The following REXO1 variants were observed in gnomAD, a reference collection of about 807,000 sequenced individuals.
REXO1 encodes RNA exonuclease 1 homolog.
A neutral mutation model predicts 102.6 loss-of-function variants in REXO1; 42 were observed. The observed-to-expected ratio is 0.41, with a 90% CI of 0.32 to 0.53. REXO1 has a LOEUF of 0.53. Ranked by LOEUF, REXO1 falls within the 20% of genes least tolerant of loss-of-function variation. REXO1 has a pLI of 0.27. For synonymous variants in REXO1, 908 were observed against 779.1 expected, an observed-to-expected ratio of 1.17 and a Z score of -2.76; for missense variants, 1,819 against 1,732.5, an observed-to-expected ratio of 1.05 and a Z score of -0.89.
Position 1,823,622 on chromosome 19 carries a change from G to A in REXO1, c.2180C>T (p.Pro727Leu). The change falls in exon 4 of 16, where the codon CCT (proline) becomes CTT (leucine). Residue 727 changes from proline (P) to leucine (L), a missense_variant. Pro to Leu is a moderately conservative substitution (Grantham distance 98, BLOSUM62 -3). Coordinates refer to ENST00000170168, the MANE Select transcript of REXO1 (RefSeq NM_020695.4). Reference protein sequence around the residue: ...EKSPSVHISAPGEKRRIAHIP... With the variant: ...EKSPSVHISALGEKRRIAHIP... ...GTGGGCGATCCTCCTCTTCTCGCCA[G>A]GGGCGGAAATGTGGACGGAGGGCGA... 1 of 1,321,140 alleles carries A rather than the reference G, an allele frequency of 7.6e-7. No individual in the cohort carries two copies. The highest frequency in any genetic ancestry group is 1.5e-5 in the African/African-American group (1 of 66,128). The allele number at this position is 1,321,140 out of a possible 1,614,324, so 81.8% of individuals were successfully genotyped here.
At chr19:1,831,315 G>A (rs1220816387) in intron 1 of REXO1, among the ~76,000 whole-genome samples, 2 of 152,186 alleles carry the variant, frequency 1.3e-5, no homozygotes, top group South Asian at 4.1e-4. Context: ...TCTGAAGGTC[G>A]GGCCTCAGGT....
intron 1 of REXO1, among the ~76,000 whole-genome samples, chr19:1,844,689 G>A (rs74989444): frequency 0.025 from 3,821 of 152,300 alleles, 72 homozygotes; most frequent in East Asian, 0.081. Context: ...CACTGGCACC[G>A]GGCTGCCAGA....
At chr19:1,841,609 C>T (rs190797726) in intron 1 of REXO1, among the ~76,000 whole-genome samples, 4 of 152,320 alleles carry the variant, frequency 2.6e-5, no homozygotes, top group African/African-American at 4.8e-5. Context: ...CCAAGCAAGA[C>T]GCCTTCATTC....
intron 1 of REXO1, among the ~76,000 whole-genome samples, chr19:1,838,619 C>T (rs2011175982): frequency 1.4e-5 from 2 of 146,584 alleles, no homozygotes; most frequent in Non-Finnish European, 3.0e-5. Context: ...GAGCCGAGAT[C>T]GTGACATTGC....
intron 1 of REXO1, among the ~76,000 whole-genome samples, chr19:1,831,256 C>A (rs993075222): frequency 6.6e-6 from 1 of 152,228 alleles, no homozygotes; most frequent in Non-Finnish European, 1.5e-5. Context: ...CCTGCCCGCA[C>A]CAAGACGCCA....
At position 1,828,498 on chromosome 19, in the gene REXO1, G is replaced by A. The variant is rs202187038; in HGVS notation, c.291C>T (p.Ala97=). Residue 97 remains alanine (A), a synonymous_variant, in exon 2 of 16, where the codon GCC becomes GCT. Coordinates refer to ENST00000170168, the MANE Select transcript of REXO1 (RefSeq NM_020695.4). ...ELELVNQAIE[A]VRSEVELEQR... The stretch of plus-strand genomic sequence containing the variant: ...GCTCCAGCTCCACCTCACTGCGCAC[G>A]GCCTCGATGGCCTGGTTGACCAGCT... 1.0e-4 allele frequency: 164 copies of A among 1,604,988 alleles called. No individual in the cohort carries two copies. Among genetic ancestry groups the A allele is most frequent in the Admixed American group, 3.0e-4 (18 of 59,998 alleles).
chr19:1,843,811 G>GC (rs559601973), intron 1 of REXO1, among the ~76,000 whole-genome samples: 18 of 152,216 alleles, frequency 1.2e-4, no homozygotes, highest in South Asian at 4.1e-4. Context: ...TGCCTTCACT[G>GC]CCCCACGGAA....
intron 1 of REXO1, among the ~76,000 whole-genome samples, chr19:1,829,027 G>T (rs1028743064): frequency 1.3e-5 from 2 of 152,246 alleles, no homozygotes; most frequent in African/African-American, 4.8e-5. Context: ...GGCAGGACTG[G>T]GCTGGGCCGA....
At position 1,816,090 on chromosome 19, in the gene REXO1, T is replaced by C. The variant is rs1223391054; in HGVS notation, c.3642A>G (p.Arg1214=). 14 of 1,547,512 alleles carry C rather than the reference T, an allele frequency of 9.0e-6. No individual in the cohort carries two copies. Among genetic ancestry groups the C allele is most frequent in the African/African-American group, 1.4e-5 (1 of 73,012 alleles). The change falls in exon 16 of 16, where the codon CGA becomes CGG. Residue 1214 remains arginine (R), a synonymous_variant. Coordinates refer to ENST00000170168, the MANE Select transcript of REXO1 (RefSeq NM_020695.4). ...GTCATCGCTTGGTCTTGGCGTCTTC[T>C]CGAACCTTCCAGATCACCAGGTGCA... ...ACMHLVIWKV[R]EDAKTKR
intron 3 of REXO1, among the ~76,000 whole-genome samples, chr19:1,824,790 G>T (rs78255899): frequency 1.6e-5 from 1 of 60,750 alleles, no homozygotes; most frequent in East Asian, 5.3e-4. Flanking sequence ...CTCATTTTAT[G>T]TATTTATCTT....
intron 4 of REXO1, 93 bp downstream of exon 4, chr19:1,823,479 G>GT: frequency 1.1e-6 from 1 of 888,700 alleles, no homozygotes; most frequent in Non-Finnish European, 1.5e-6. Context: ...CAAGCACCAT[G>GT]TGGTTCAGGT....
rs1345424302 is a variant in REXO1, at chr19:1,820,011, T to C, written c.2573A>G (p.Asn858Ser). 4.4e-6 allele frequency: 7 copies of C among 1,601,610 alleles called. No homozygotes were observed. Among genetic ancestry groups the C allele is most frequent in the Non-Finnish European group, 5.9e-6 (7 of 1,176,620 alleles). ...GTTCACGGCCACATTCAGGTAGATG[T>C]TCTTGCTGGGGCTGCGGTCATAGGC... The part of the protein sequence containing the change: ...KVAYDRSPSK[N>S]IYLNVAVNTL... Residue 858 changes from asparagine to serine, a missense_variant, in exon 7 of 16, where the codon AAC becomes AGC. Physicochemically the swap from Asn to Ser is conservative, Grantham distance 46. Transcript: ENST00000170168.
Position 1,828,587 on chromosome 19 carries a change from C to T in REXO1, c.202G>A (p.Ala68Thr), listed in dbSNP as rs376254129. The T allele has an allele frequency of 4.9e-5, 79 of 1,603,330 alleles. No homozygotes were observed. In the African/African-American group the frequency reaches 5.7e-4, roughly 12 times the overall value. ...CCCAGGGTGCCATTCTCCCTCTGCG[C>T]GGGGGGCTTGGGCAGCTCAGGGTTG... ...PYNPELPKPP[A>T]QRENGTLGLG... The change falls in exon 2 of 16, where the codon GCG (alanine) becomes ACG (threonine). Residue 68 changes from alanine to threonine, a missense_variant. Physicochemically the swap from Ala to Thr is moderately conservative, Grantham distance 58 (BLOSUM62 0). Coordinates refer to ENST00000170168, the MANE Select transcript of REXO1 (RefSeq NM_020695.4).
chr19:1,826,021 C>G lies in REXO1; in HGVS notation c.1912-78G>C, dbSNP rs981935218. 14 of 1,037,950 alleles carry G rather than the reference C, an allele frequency of 1.3e-5. No homozygotes were observed. The highest frequency in any genetic ancestry group is 2.1e-5 in the Non-Finnish European group (14 of 666,510). The allele number at this position is 1,037,950 out of a possible 1,614,324, so 64.3% of individuals were successfully genotyped here. ...ACACACCCCAACCTCAAACTGCCCC[C>G]GGCAAGTGGGGAATGGAACAGTCCA... is the stretch of plus-strand genomic sequence containing the variant. On this transcript the variant is annotated intron_variant, in intron 2 of 15. Coordinates refer to ENST00000170168, the MANE Select transcript of REXO1 (RefSeq NM_020695.4). This position sits in a 1 kb window ranked among gnomAD's most constrained non-coding sequence, Gnocchi z 4.3.
At chr19:1,843,387 C>A (rs1316699341) in intron 1 of REXO1, among the ~76,000 whole-genome samples, 2 of 152,172 alleles carry the variant, frequency 1.3e-5, no homozygotes, top group African/African-American at 2.4e-5. Flanking sequence ...CCGGCGAGGG[C>A]TGAAAAAGAA....
In REXO1 at chr19:1,817,795, GAC is replaced by G. The variant is rs770359711; in HGVS notation, c.3017-17_3017-16del. 6.2e-6 allele frequency: 10 copies of G among 1,609,620 alleles called. No individual in the cohort carries two copies. The East Asian group carries it at 1.8e-4, about 29-fold the overall frequency. Reference sequence around the variant, plus strand: ...GCCTCCGGCCACTGCAGGGGACACAGACACACAGTCAGGGCCCGGCCAGGCCC... The same window carrying G: ...GCCTCCGGCCACTGCAGGGGACACAGACACAGTCAGGGCCCGGCCAGGCCC... On this transcript the variant is annotated splice_polypyrimidine_tract_variant and intron_variant, in intron 10 of 15. Transcript: ENST00000170168.
intron 1 of REXO1, among the ~76,000 whole-genome samples, chr19:1,839,499 G>A (rs1035321513): frequency 9.2e-5 from 14 of 152,210 alleles, no homozygotes; most frequent in Non-Finnish European, 2.1e-4. Context: ...GATGGGTGCC[G>A]TGGCGCCTAA....
Position 1,815,454 on chromosome 19 carries a change from T to G in REXO1, c.*612A>C. 5.7e-6 allele frequency: 1 copy of G among 174,188 alleles called. No individual in the cohort carries two copies. The allele number at this position is 174,188 out of a possible 1,614,324, so 10.8% of individuals were successfully genotyped here. On this transcript the variant is annotated 3_prime_UTR_variant, in exon 16 of 16. Transcript: ENST00000170168. This position sits in a 1 kb window ranked among gnomAD's most constrained non-coding sequence, Gnocchi z 4.0. ...AGTGCAGGGGTGGGGCGGCGAGTGG[T>G]GGAAGCCGGCGCCCCCGAAGACCGG...
chr19:1,816,644 C>T, intron 13 of REXO1, 54 bp downstream of exon 13: 1 of 1,593,560 alleles, frequency 6.3e-7, no homozygotes, highest in Non-Finnish European at 8.6e-7. Flanking sequence ...AGGGTGGGTC[C>T]CTGGGGAGAG....
Sources: allele counts gnomAD v4.1 joint callset (sites outside exome capture counted in the v4.1 genomes callset), GRCh38; gene constraint gnomAD v4.1.1; non-coding constraint Gnocchi (gnomAD v3.1); transcripts MANE v1.5; gene names NCBI Gene and HGNC (gene_info 2026-07-23, HGNC 2026-07-21).